The following CPT1C variants were observed in gnomAD, a reference collection of about 807,000 sequenced individuals.
The protein encoded by CPT1C is palmitoyl thioesterase CPT1C.
A neutral mutation model predicts 97.3 loss-of-function variants in CPT1C; 61 were observed. The ratio of observed to expected loss-of-function variants is 0.63; its 90% CI spans 0.51 to 0.78. CPT1C has a LOEUF of 0.78. Among genes scored for constraint, CPT1C ranks in the 30% least tolerant of loss-of-function variants. CPT1C has a pLI of 0.00. For missense variants in CPT1C, 975 were observed against 1,065.5 expected (o/e 0.92, Z 1.18); for synonymous variants, 469 against 447.2 (o/e 1.05, Z -0.61).
chr19:49,710,739 G>T lies in CPT1C; in HGVS notation c.1748G>T (p.Cys583Phe), dbSNP rs2083816794. 3.7e-6 allele frequency: 6 copies of T among 1,613,408 alleles called. No homozygotes were observed. The highest frequency in any genetic ancestry group is 5.1e-6 in the Non-Finnish European group (6 of 1,179,458). The change falls in exon 16 of 20, where the codon TGC becomes TTC. Residue 583 changes from cysteine (C) to phenylalanine (F), a missense_variant. By Grantham distance (205) the Cys-to-Phe change is radical (BLOSUM62 -2). Coordinates refer to ENST00000598293, the MANE Select transcript of CPT1C (RefSeq NM_001199753.2). ...LAHFRDRGQF[C>F]LTYESAMTRL... ...GTCCCCCAGGACAGGGGTCAATTCT[G>T]CCTGACTTATGAGTCGGCCATGACT...
In CPT1C at chr19:49,713,067, G is replaced by T. The variant is rs760048694; in HGVS notation, c.2226+3G>T. 3.1e-6 allele frequency: 5 copies of T among 1,611,976 alleles called. No individual in the cohort carries two copies. In the East Asian group the frequency reaches 1.1e-4, roughly 36 times the overall value. ...GCAAAAAATCAAGCACAAAAACGGT[G>T]AGACAAACGTGTATACCCACCAACT... On this transcript the variant is annotated splice_donor_region_variant and intron_variant, in intron 19 of 19. Coordinates refer to ENST00000598293, the MANE Select transcript of CPT1C (RefSeq NM_001199753.2).
chr19:49,701,068 C>T (rs1219671697), intron 5 of CPT1C, among the ~76,000 whole-genome samples: 1 of 86,330 alleles, frequency 1.2e-5, no homozygotes, highest in Non-Finnish European at 2.1e-5. Context: ...TGTCTCCGTC[C>T]CCCCCTCTGG....
intron 13 of CPT1C, 83 bp from the exon 14 acceptor site, chr19:49,708,639 AG>A: frequency 2.1e-6 from 2 of 941,058 alleles, no homozygotes; most frequent in South Asian, 1.3e-5. Context: ...TACCCGAAAA[AG>A]GGCTGCATGA....
Position 49,706,027 on chromosome 19 carries a change from G to A in CPT1C, c.1083G>A (p.Gln361=), listed in dbSNP as rs1568531763. The A allele has an allele frequency of 6.2e-7, 1 of 1,614,046 alleles. No individual in the cohort carries two copies. Among genetic ancestry groups the A allele is most frequent in the Non-Finnish European group, 8.5e-7 (1 of 1,179,990 alleles). Residue 361 remains glutamine, a synonymous_variant, in exon 11 of 20, where the codon CAG becomes CAA. Transcript: ENST00000598293. The surrounding 1 kb of genome is among the most constrained non-coding windows in gnomAD (Gnocchi z 4.8). The part of the protein sequence containing the change: ...SLLSPRALEQ[Q]FQRILDDPSP... The stretch of plus-strand genomic sequence containing the variant: ...TTTCCCCGAGAGCCCTGGAGCAGCA[G>A]TTTCAGAGAATCCTGGATGATCCCT...
intron 17 of CPT1C, 180 bp downstream of exon 17, chr19:49,712,141 G>A (rs1044961010): frequency 1.1e-5 from 8 of 714,290 alleles, no homozygotes; most frequent in South Asian, 2.0e-5. Flanking sequence ...TCAAGAGTTC[G>A]AGACCAGCCT....
In CPT1C at chr19:49,706,049, C is replaced by A. The variant is rs1329908009; in HGVS notation, c.1105C>A (p.Pro369Thr). The change falls in exon 11 of 20, where the codon CCC becomes ACC. Residue 369 changes from proline to threonine, a missense_variant. By Grantham distance (38) the Pro-to-Thr change is conservative. Coordinates refer to ENST00000598293, the MANE Select transcript of CPT1C (RefSeq NM_001199753.2). This position sits in a 1 kb window ranked among gnomAD's most constrained non-coding sequence, Gnocchi z 4.8. ...GCAGTTTCAGAGAATCCTGGATGAT[C>A]CCTCACCGGCCTGCCCCCACGAGGA... ...EQQFQRILDDPSPACPHEEHL... is the reference protein window; with the variant it reads ...EQQFQRILDDTSPACPHEEHL... The A allele has an allele frequency of 1.2e-6, 2 of 1,613,790 alleles. No homozygotes were observed. The highest frequency in any genetic ancestry group is 1.7e-6 in the Non-Finnish European group (2 of 1,179,928).
At position 49,702,075 on chromosome 19, in the gene CPT1C, T is replaced by G. The variant is rs867351928; in HGVS notation, c.693+441T>G. Among the ~76,000 whole-genome samples, 7 of 100,034 alleles carry G rather than the reference T, an allele frequency of 7.0e-5. 1 individual carries two copies. Among genetic ancestry groups the G allele is most frequent in the East Asian group, 5.0e-4 (2 of 4,038 alleles). The allele number at this position is 100,034 out of a possible 152,430, so 65.6% of individuals were successfully genotyped here. A position where few individuals can be genotyped will look rare whatever the true frequency, so the allele number is the denominator to read the frequency against. On this transcript the variant is annotated intron_variant, in intron 7 of 19. Transcript: ENST00000598293. ...TTATAAATATATATTTATTTATAAA[T>G]TATAAATATATATTTATTTATAAAT...
intron 5 of CPT1C, 35 bp from the exon 6 acceptor site, chr19:49,701,282 G>T: frequency 6.3e-7 from 1 of 1,577,000 alleles, no homozygotes. Flanking sequence ...TGGCTCCGGT[G>T]AGGGGTTAAT....
chr19:49,701,073 C>T (rs1233631053), intron 5 of CPT1C, among the ~76,000 whole-genome samples: 6 of 93,594 alleles, frequency 6.4e-5, no homozygotes, highest in Admixed American at 2.2e-4. Context: ...CCGTCCCCCC[C>T]TCTGGGTCTC....
intron 1 of CPT1C, 149 bp downstream of exon 1, chr19:49,691,489 G>A (rs1368591099): frequency 6.6e-6 from 1 of 152,152 alleles, no homozygotes; most frequent in East Asian, 1.9e-4. Context: ...TGCGCAGTGG[G>A]TGCTTCCTTC....
chr19:49,712,371 T>A, intron 17 of CPT1C: 1 of 292,774 alleles, frequency 3.4e-6, no homozygotes, highest in Non-Finnish European at 6.2e-6. Context: ...GAGGGTGATG[T>A]TGAGAAAGGA....
chr19:49,698,948 C>CA lies in CPT1C; in HGVS notation c.281+1488dup, dbSNP rs2082832839. Among the ~76,000 whole-genome samples, 3 of 151,972 alleles carry CA rather than the reference C, an allele frequency of 2.0e-5. 1 individual carries two copies. Among genetic ancestry groups the CA allele is most frequent in the African/African-American group, 7.2e-5 (3 of 41,448 alleles). On this transcript the variant is annotated intron_variant, in intron 4 of 19. Coordinates refer to ENST00000598293, the MANE Select transcript of CPT1C (RefSeq NM_001199753.2). ...TGAAACTCTGTCTCTACTAAAAATA[C>CA]AAAAATTAGCCGAGTGTGGTGGCAG...
intron 5 of CPT1C, 152 bp downstream of exon 5, chr19:49,701,007 C>T (rs1237155883): frequency 7.6e-6 from 6 of 794,586 alleles, no homozygotes; most frequent in African/African-American, 5.5e-5. Flanking sequence ...CCTCCTCTGT[C>T]CCTGGGTCTC....
At chr19:49,709,529 A>G (rs2083717158) in intron 14 of CPT1C, among the ~76,000 whole-genome samples, 1 of 149,064 alleles carries the variant, frequency 6.7e-6, no homozygotes, top group South Asian at 2.1e-4. Context: ...ATCTTGTTCC[A>G]GTCTACACAT....
intron 7 of CPT1C, among the ~76,000 whole-genome samples, chr19:49,703,070 TACACACAC>T (rs72113209): frequency 3.9e-4 from 57 of 144,334 alleles, no homozygotes; most frequent in Non-Finnish European, 5.1e-4. Flanking sequence ...AGATTCTGTT[TACACACAC>T]ACACACACAC....
intron 7 of CPT1C, among the ~76,000 whole-genome samples, chr19:49,703,350 CTT>C (rs59161524): frequency 1.2e-4 from 17 of 136,464 alleles, no homozygotes; most frequent in Admixed American, 1.5e-4. Flanking sequence ...TGGCTAATTT[CTT>C]TTTTTTTTTT....
At chr19:49,712,545 CGTGG>C (rs1238632529) in intron 17 of CPT1C, 187 bp from the exon 18 acceptor site, 1 of 588,388 alleles carries the variant, frequency 1.7e-6, no homozygotes, top group African/African-American at 1.9e-5. Flanking sequence ...AGGAGAGGGA[CGTGG>C]GTGTGGGTGG....
Position 49,706,444 on chromosome 19 carries a change from TGTGGC to T in CPT1C, c.1343+32_1343+36del. ...TGAGTCTTGGGATGGGGCCCCCAGA[TGTGGC>T]ACCCGAGAATCCAGTATCAGACCTA... is the stretch of plus-strand genomic sequence containing the variant. On this transcript the variant is annotated intron_variant, in intron 12 of 19. Transcript: ENST00000598293. The surrounding 1 kb of genome is among the most constrained non-coding windows in gnomAD (Gnocchi z 4.8). The T allele has an allele frequency of 4.2e-6, 6 of 1,433,944 alleles. No individual in the cohort carries two copies. Among genetic ancestry groups the T allele is most frequent in the Non-Finnish European group, 5.4e-6 (6 of 1,101,164 alleles). 88.8% of individuals were successfully genotyped at this position (1,433,944 alleles called of 1,614,324 possible). A position where few individuals can be genotyped will look rare whatever the true frequency, so the allele number is the denominator to read the frequency against.
intron 5 of CPT1C, 53 bp downstream of exon 5, chr19:49,700,908 T>C: frequency 6.4e-7 from 1 of 1,569,940 alleles, no homozygotes; most frequent in South Asian, 1.1e-5. Flanking sequence ...GCTTATCTAT[T>C]CCCCTCTCTC....
Sources: allele counts gnomAD v4.1 joint callset (sites outside exome capture counted in the v4.1 genomes callset), GRCh38; gene constraint gnomAD v4.1.1; non-coding constraint Gnocchi (gnomAD v3.1); transcripts MANE v1.5; gene names NCBI Gene and HGNC (gene_info 2026-07-23, HGNC 2026-07-21).